RIMS1: variants seen among roughly 807,000 people sequenced by gnomAD.
The protein encoded by RIMS1 is regulating synaptic membrane exocytosis protein 1.
Under a neutral mutation model 214.1 loss-of-function variants are expected in RIMS1, and 83 were observed. That is an observed-to-expected ratio of 0.39 (90% CI 0.32 to 0.47). The LOEUF (loss-of-function observed/expected upper bound fraction) is 0.47. Among genes scored for constraint, RIMS1 ranks in the 20% least tolerant of loss-of-function variants. RIMS1 has a pLI of 0.99. For synonymous variants in RIMS1, 793 were observed against 786.8 expected, an observed-to-expected ratio of 1.01 and a Z score of -0.13; for missense variants, 2,050 against 2,161.8, an observed-to-expected ratio of 0.95 and a Z score of 1.03.
chr6:72,264,712 CAT>C (rs1184361303), intron 19 of RIMS1, among the ~76,000 whole-genome samples: 9 of 152,094 alleles, frequency 5.9e-5, no homozygotes, highest in African/African-American at 1.9e-4. Context: ...AATGATAATT[CAT>C]AGAGTTTGGT....
chr6:72,233,755 TC>T lies in RIMS1; in HGVS notation c.1679-17del. On this transcript the variant is annotated splice_polypyrimidine_tract_variant and intron_variant, in intron 6 of 33. Transcript: ENST00000521978. ...TCTTTAATACCATTACACTTTTCAT[TC>T]TTTTTGTATTGCACAGGTGATTTGG... 6.5e-7 allele frequency: 1 copy of T among 1,544,258 alleles called. No homozygotes were observed. Among genetic ancestry groups the T allele is most frequent in the Non-Finnish European group, 8.8e-7 (1 of 1,136,542 alleles).
intron 4 of RIMS1, among the ~76,000 whole-genome samples, chr6:72,118,650 G>A (rs746238526): frequency 9.9e-5 from 15 of 151,654 alleles, no homozygotes; most frequent in Non-Finnish European, 1.8e-4. Flanking sequence ...TTCATACCAG[G>A]TATGCAGGGA....
intron 4 of RIMS1, among the ~76,000 whole-genome samples, chr6:72,159,517 T>C (rs1346571637): frequency 7.1e-6 from 1 of 141,064 alleles, no homozygotes; most frequent in Non-Finnish European, 1.6e-5. Flanking sequence ...GTTTTTATGG[T>C]TCTAGGTCTA....
At chr6:72,179,369 G>A (rs1043432647) in intron 4 of RIMS1, 1 of 606,414 alleles carries the variant, frequency 1.6e-6, no homozygotes, top group Non-Finnish European at 2.9e-6. Flanking sequence ...TCTGGCTGCT[G>A]AGAGGCTCTC....
rs564986030 is a variant in RIMS1, at chr6:72,124,481, C to G, written c.471+24495C>G. ...TGGGGTTGCTCTTCTCAAAGAGTATCTTTGTGGTGTTCTCTATGTTTCCTG... is the reference window on the plus strand; with the variant it reads ...TGGGGTTGCTCTTCTCAAAGAGTATGTTTGTGGTGTTCTCTATGTTTCCTG... On this transcript the variant is annotated intron_variant, in intron 4 of 33. Transcript: ENST00000521978. Among the ~76,000 whole-genome samples, 5 of 151,942 alleles carry G rather than the reference C, an allele frequency of 3.3e-5. No homozygotes were observed. The East Asian group carries it at 9.7e-4, about 29-fold the overall frequency.
intron 4 of RIMS1, among the ~76,000 whole-genome samples, chr6:72,164,004 G>A (rs1207379013): frequency 1.1e-4 from 16 of 152,160 alleles, no homozygotes; most frequent in Non-Finnish European, 1.8e-4. Flanking sequence ...GTTTACAGAG[G>A]CAGGCAGGTC....
At chr6:72,115,162 G>A (rs2036834565) in intron 4 of RIMS1, among the ~76,000 whole-genome samples, 1 of 151,764 alleles carries the variant, frequency 6.6e-6, no homozygotes, top group African/African-American at 2.4e-5. Flanking sequence ...GGAATGTATT[G>A]CTTAAATTCA....
intron 2 of RIMS1, among the ~76,000 whole-genome samples, chr6:71,973,716 A>T (rs1487319052): frequency 1.3e-5 from 2 of 152,172 alleles, no homozygotes; most frequent in East Asian, 3.9e-4. Context: ...AATAAAACAC[A>T]TGAAATAACA....
chr6:72,320,915 A>G (rs1490421391), intron 28 of RIMS1, among the ~76,000 whole-genome samples: 1 of 151,982 alleles, frequency 6.6e-6, no homozygotes, highest in African/African-American at 2.4e-5. Context: ...TTTTTACTTT[A>G]TCTTTTTTAT....
intron 29 of RIMS1, among the ~76,000 whole-genome samples, chr6:72,357,069 A>G (rs1204801963): frequency 6.6e-6 from 1 of 152,190 alleles, no homozygotes; most frequent in Admixed American, 6.5e-5. Context: ...ACAGATATCA[A>G]ACTTCTTTTT....
At chr6:72,079,631 C>G (rs1179122908) in intron 2 of RIMS1, among the ~76,000 whole-genome samples, 2 of 152,002 alleles carry the variant, frequency 1.3e-5, no homozygotes, top group Non-Finnish European at 2.9e-5. Context: ...TGCCTGTAAT[C>G]CCAGCATTTT....
At chr6:72,368,288 T>C (rs7453314) in intron 29 of RIMS1, among the ~76,000 whole-genome samples, 1 of 148,282 alleles carries the variant, frequency 6.7e-6, no homozygotes, top group African/African-American at 2.5e-5. Context: ...ATCAGTGTTG[T>C]CTGATTTTTT....
At chr6:72,311,967 T>C (rs762345106) in intron 27 of RIMS1, among the ~76,000 whole-genome samples, 5 of 152,126 alleles carry the variant, frequency 3.3e-5, no homozygotes, top group Non-Finnish European at 7.4e-5. Flanking sequence ...GGAGAATCTG[T>C]CTCCAAAAAC....
intron 2 of RIMS1, among the ~76,000 whole-genome samples, chr6:72,064,240 C>T (rs947678287): frequency 6.6e-6 from 1 of 151,958 alleles, no homozygotes; most frequent in Non-Finnish European, 1.5e-5. Context: ...GTTGCTTGAA[C>T]CCAGGAGGCG....
intron 28 of RIMS1, among the ~76,000 whole-genome samples, 157 bp downstream of exon 28, chr6:72,313,829 T>C (rs1299368131): frequency 6.6e-6 from 1 of 152,240 alleles, no homozygotes; most frequent in Non-Finnish European, 1.5e-5. Context: ...TGTTTAGTAT[T>C]GACTACTATC....
intron 9 of RIMS1, among the ~76,000 whole-genome samples, chr6:72,240,639 T>C (rs1224046622): frequency 1.4e-5 from 2 of 146,872 alleles, no homozygotes; most frequent in Non-Finnish European, 3.0e-5. Flanking sequence ...TCTTTTTTTT[T>C]TTTTTTTTTT....
Position 72,252,877 on chromosome 6 carries a change from C to T in RIMS1, c.2770+45C>T, listed in dbSNP as rs577778794. On this transcript the variant is annotated intron_variant, in intron 16 of 33. Coordinates refer to ENST00000521978, the MANE Select transcript of RIMS1 (RefSeq NM_014989.7). ...GACCCTGCTTCACTGTGCTGCTTTG[C>T]TTGTTTTCTCTGTCAGCTTCCGGAC... The T allele has an allele frequency of 4.1e-5, 59 of 1,433,100 alleles. No individual in the cohort carries two copies. In the South Asian group the frequency reaches 6.5e-4, roughly 16 times the overall value. The allele number at this position is 1,433,100 out of a possible 1,614,324, so 88.8% of individuals were successfully genotyped here.
At position 72,325,909 on chromosome 6, in the gene RIMS1, AG is replaced by A. The variant is rs560891113; in HGVS notation, c.4131-7690del. The stretch of plus-strand genomic sequence containing the variant: ...AATGCCACCTTGATTATTAATCACC[AG>A]TCCCTGTGTTATGACCACTGAAAAT... On this transcript the variant is annotated intron_variant, in intron 28 of 33. Transcript: ENST00000521978. Among the ~76,000 whole-genome samples, 14 of 151,864 alleles carry A rather than the reference AG, an allele frequency of 9.2e-5. No homozygotes were observed. In the South Asian group the frequency reaches 2.9e-3, roughly 31 times the overall value.
chr6:72,327,291 G>A (rs1428064239), intron 28 of RIMS1, among the ~76,000 whole-genome samples: 3 of 151,686 alleles, frequency 2.0e-5, no homozygotes, highest in Admixed American at 6.6e-5. Flanking sequence ...GTGGACCAAA[G>A]TGTTATTACC....
Sources: gnomAD v4.1 joint callset for allele counts (sites outside exome capture counted in the v4.1 genomes callset) on GRCh38, gnomAD v4.1.1 for gene constraint, MANE v1.5 for transcripts, NCBI Gene and HGNC (gene_info 2026-07-23, HGNC 2026-07-21) for gene names.